Variants in RALY observed in about 807,000 individuals in gnomAD.
The protein encoded by RALY is RNA-binding protein Raly.
In RALY, 15 loss-of-function variants were observed where a neutral mutation model predicts 30.7. The observed-to-expected ratio is 0.49, with a 90% CI of 0.33 to 0.75. The LOEUF is 0.75. Ranked by LOEUF, RALY falls within the 30% of genes least tolerant of loss-of-function variation. The pLI is 0.02. For synonymous variants in RALY, 177 were observed against 170.8 expected, an observed-to-expected ratio of 1.04 and a Z score of -0.28; for missense variants, 339 against 414.3, an observed-to-expected ratio of 0.82 and a Z score of 1.58.
At chr20:34,044,495 T>G (rs2032810949) in intron 2 of RALY, among the ~76,000 whole-genome samples, 1 of 151,984 alleles carries the variant, frequency 6.6e-6, no homozygotes, top group Non-Finnish European at 1.5e-5. Context: ...TAATTTCGTA[T>G]TTTTGGTAGA....
At chr20:34,052,673 A>G (rs952324312) in intron 2 of RALY, among the ~76,000 whole-genome samples, 1 of 152,232 alleles carries the variant, frequency 6.6e-6, no homozygotes, top group Non-Finnish European at 1.5e-5. Flanking sequence ...CCAGGGGTCA[A>G]GTAATTATCT....
At chr20:34,061,706 A>G (rs959784682) in intron 2 of RALY, among the ~76,000 whole-genome samples, 1 of 152,208 alleles carries the variant, frequency 6.6e-6, no homozygotes, top group African/African-American at 2.4e-5. Context: ...GCCTACTGCT[A>G]TGCACTGTAT....
intron 2 of RALY, among the ~76,000 whole-genome samples, chr20:34,055,398 C>T (rs1175661839): frequency 2.0e-5 from 3 of 152,300 alleles, no homozygotes; most frequent in Middle Eastern, 3.4e-3. Flanking sequence ...GCTTTAGCAT[C>T]TGTGCAGCCT....
chr20:34,062,962 G>C (rs759319359), intron 2 of RALY, among the ~76,000 whole-genome samples: 14 of 152,184 alleles, frequency 9.2e-5, no homozygotes, highest in Non-Finnish European at 1.9e-4. Context: ...ATGCTCAAAG[G>C]ATCAGTGTTA....
At chr20:34,002,540 G>A (rs976842780) in intron 1 of RALY, among the ~76,000 whole-genome samples, 4 of 152,190 alleles carry the variant, frequency 2.6e-5, no homozygotes, top group African/African-American at 9.7e-5. Context: ...GGGTTCAAAC[G>A]GAAAATAACA....
intron 2 of RALY, among the ~76,000 whole-genome samples, chr20:34,061,732 T>G (rs2033423327): frequency 6.6e-6 from 1 of 152,236 alleles, no homozygotes. Context: ...TTATTTAATC[T>G]TCTCCACAAT....
At chr20:34,034,264 C>G (rs2032393354) in intron 2 of RALY, among the ~76,000 whole-genome samples, 2 of 152,188 alleles carry the variant, frequency 1.3e-5, no homozygotes, top group African/African-American at 4.8e-5. Context: ...CCCCCTTCAC[C>G]AACGATGGGG....
chr20:34,021,065 G>A (rs753587060), intron 1 of RALY, among the ~76,000 whole-genome samples: 4 of 152,070 alleles, frequency 2.6e-5, no homozygotes, highest in African/African-American at 4.8e-5. Flanking sequence ...GGGTTCAAGC[G>A]ATTCTTGTGC....
chr20:34,042,680 T>C (rs569219923), intron 2 of RALY, among the ~76,000 whole-genome samples: 120 of 152,344 alleles, frequency 7.9e-4, no homozygotes, highest in African/African-American at 2.8e-3. Context: ...AGATTGTTAA[T>C]GAAAGAAGGA....
At chr20:34,023,798 A>T (rs73904757) in intron 1 of RALY, among the ~76,000 whole-genome samples, 10,179 of 151,778 alleles carry the variant, frequency 0.067, 1,111 homozygotes, top group African/African-American at 0.23. Context: ...GCCACCTCTC[A>T]CCTCACTCAG....
chr20:34,059,482 A>G (rs1249944187), intron 2 of RALY, among the ~76,000 whole-genome samples: 1 of 152,136 alleles, frequency 6.6e-6, no homozygotes, highest in Non-Finnish European at 1.5e-5. Context: ...AGAGCATGTT[A>G]TCTCCTTTGA....
intron 1 of RALY, among the ~76,000 whole-genome samples, chr20:34,030,936 A>T (rs1286600986): frequency 6.6e-6 from 1 of 151,908 alleles, no homozygotes; most frequent in Non-Finnish European, 1.5e-5. Context: ...CCCCTCCCTG[A>T]CCATTTTATC....
At chr20:34,025,041 C>T (rs2031967636) in intron 1 of RALY, among the ~76,000 whole-genome samples, 1 of 152,194 alleles carries the variant, frequency 6.6e-6, no homozygotes, top group Non-Finnish European at 1.5e-5. Flanking sequence ...GCTATTTGCC[C>T]TGTGCCTTTG....
At chr20:34,048,904 C>T (rs1353489874) in intron 2 of RALY, among the ~76,000 whole-genome samples, 1 of 151,170 alleles carries the variant, frequency 6.6e-6, no homozygotes, top group Non-Finnish European at 1.5e-5. Flanking sequence ...TTTCTACACC[C>T]AGTGTTTCAT....
intron 2 of RALY, among the ~76,000 whole-genome samples, chr20:34,060,617 G>T (rs1250159094): frequency 1.3e-5 from 2 of 152,202 alleles, no homozygotes; most frequent in Admixed American, 6.5e-5. Context: ...ATGTCAGCCA[G>T]TTCAGTAACA....
intron 2 of RALY, among the ~76,000 whole-genome samples, chr20:34,040,034 C>T (rs1393542184): frequency 6.6e-6 from 1 of 151,986 alleles, no homozygotes; most frequent in African/African-American, 2.4e-5. Flanking sequence ...TCGCTTGAAC[C>T]CAGGAGGCGG....
chr20:34,048,371 C>G (rs1042982442), intron 2 of RALY, among the ~76,000 whole-genome samples: 3 of 152,120 alleles, frequency 2.0e-5, no homozygotes, highest in African/African-American at 7.2e-5. Context: ...TTGGAATCTC[C>G]TCATCCCTAG....
At chr20:34,015,776 T>G (rs970209202) in intron 1 of RALY, among the ~76,000 whole-genome samples, 1 of 152,026 alleles carries the variant, frequency 6.6e-6, no homozygotes, top group Non-Finnish European at 1.5e-5. Context: ...TGCATACAGG[T>G]GTATAGGCCA....
In RALY at chr20:34,077,019, C is replaced by A; in HGVS notation, c.659-9C>A. On this transcript the variant is annotated splice_polypyrimidine_tract_variant and intron_variant, in intron 7 of 9. Transcript: ENST00000246194. Reference sequence around the variant, plus strand: ...TTTATTCTCCCCTCCTCCACCCCTTCCCCTCAAGATGGCAAGAAGAAGGGT... The same window carrying A: ...TTTATTCTCCCCTCCTCCACCCCTTACCCTCAAGATGGCAAGAAGAAGGGT... 1 of 1,610,610 alleles carries A rather than the reference C, an allele frequency of 6.2e-7. No homozygotes were observed. The highest frequency in any genetic ancestry group is 1.3e-5 in the African/African-American group (1 of 74,958).
Sources: gnomAD v4.1 joint callset for allele counts (sites outside exome capture counted in the v4.1 genomes callset) on GRCh38, gnomAD v4.1.1 for gene constraint, MANE v1.5 for transcripts, NCBI Gene and HGNC (gene_info 2026-07-23, HGNC 2026-07-21) for gene names.